ADGRL2: variants seen among roughly 807,000 people sequenced by gnomAD.
ADGRL2 encodes adhesion G protein-coupled receptor L2.
In ADGRL2, 44 loss-of-function variants were observed where a neutral mutation model predicts 157.4. That is an observed-to-expected ratio of 0.28 (90% CI 0.22 to 0.36). The LOEUF (loss-of-function observed/expected upper bound fraction) is 0.36, where lower values mean the gene tolerates loss of function less well. Among genes scored for constraint, ADGRL2 ranks in the 10% least tolerant of loss-of-function variants. The pLI, the probability that ADGRL2 is intolerant of heterozygous loss-of-function variation, is 1.00. For missense variants in ADGRL2, 1,510 were observed against 1,768.9 expected (o/e 0.85, Z 2.63); for synonymous variants, 585 against 624.7 (o/e 0.94, Z 0.95).
intron 1 of ADGRL2, chr1:81,414,361 G>C (rs2076998449): frequency 6.6e-6 from 1 of 152,202 alleles, no homozygotes; most frequent in Non-Finnish European, 1.5e-5. Context: ...GGTAATAAAA[G>C]TGAATTTTTT....
At chr1:81,589,538 T>G (rs541713452) in intron 3 of ADGRL2, among the ~76,000 whole-genome samples, 84 of 152,306 alleles carry the variant, frequency 5.5e-4, no homozygotes, top group African/African-American at 1.9e-3. Context: ...CAGCTGTGAT[T>G]GAAACTACAA....
At chr1:81,682,344 G>A (rs941221433) in intron 3 of ADGRL2, among the ~76,000 whole-genome samples, 1 of 152,272 alleles carries the variant, frequency 6.6e-6, no homozygotes, top group African/African-American at 2.4e-5. Context: ...TTAAGAATCA[G>A]AGAGTGATTA....
rs577034401 is a variant in ADGRL2, at chr1:81,778,695, C to G, written c.-101+16843C>G. ...TTCCTCTCCAATGTCTCCCTCCTCC[C>G]CATTTTTCAAAGGTAATCATTTGAA... On this transcript the variant is annotated intron_variant, in intron 2 of 20. Coordinates refer to the ADGRL2 transcript ENST00000359929. 7.9e-5 allele frequency among the ~76,000 whole-genome samples: 12 copies of G among 152,270 alleles called. No individual in the cohort carries two copies. The South Asian group carries it at 2.5e-3, about 32-fold the overall frequency.
At chr1:81,469,175 T>C (rs1557712710) in intron 2 of ADGRL2, among the ~76,000 whole-genome samples, 2 of 152,342 alleles carry the variant, frequency 1.3e-5, no homozygotes, top group East Asian at 3.9e-4. Context: ...CATTCTGATT[T>C]CTTAGTGTTT....
At chr1:81,450,088 A>G (rs1029857550) in intron 2 of ADGRL2, among the ~76,000 whole-genome samples, 1 of 152,180 alleles carries the variant, frequency 6.6e-6, no homozygotes, top group Non-Finnish European at 1.5e-5. Context: ...CTCAAAGTGA[A>G]CCAGTTGAGA....
chr1:81,671,554 C>T (rs1248920727), intron 3 of ADGRL2, among the ~76,000 whole-genome samples: 1 of 152,082 alleles, frequency 6.6e-6, no homozygotes, highest in East Asian at 1.9e-4. Flanking sequence ...GCCCCGTCGC[C>T]CAGACTGGAG....
Position 81,674,006 on chromosome 1 carries a change from T to A in ADGRL2, c.-142-87805T>A, listed in dbSNP as rs114805635. On this transcript the variant is annotated intron_variant, in intron 3 of 24. Coordinates refer to the ADGRL2 transcript ENST00000370721. ...TTTCAGAAATGACCCATGTAAATAATTTTTATAAATTATCTGAGTCCTGGC... is the reference window on the plus strand; with the variant it reads ...TTTCAGAAATGACCCATGTAAATAAATTTTATAAATTATCTGAGTCCTGGC... 2.6e-5 allele frequency among the ~76,000 whole-genome samples: 4 copies of A among 152,302 alleles called. No homozygotes were observed. In the East Asian group the frequency reaches 7.7e-4, roughly 29 times the overall value.
chr1:81,602,584 T>C (rs2081354522), intron 3 of ADGRL2, among the ~76,000 whole-genome samples: 1 of 150,466 alleles, frequency 6.6e-6, no homozygotes, highest in South Asian at 2.1e-4. Flanking sequence ...AGAGCAAGAC[T>C]CAGTCTCAAA....
intron 2 of ADGRL2, among the ~76,000 whole-genome samples, chr1:81,560,329 C>A (rs1488473319): frequency 2.6e-5 from 4 of 152,184 alleles, no homozygotes; most frequent in Non-Finnish European, 5.9e-5. Context: ...AGTTACTTAT[C>A]CTTTCTCTGC....
At chr1:81,513,214 G>C (rs535122144) in intron 2 of ADGRL2, among the ~76,000 whole-genome samples, 125 of 152,196 alleles carry the variant, frequency 8.2e-4, no homozygotes, top group African/African-American at 2.9e-3. Context: ...TCAATTTGCT[G>C]AGGACAAAGC....
At chr1:81,902,914 GGA>G (rs1263240918) in intron 2 of ADGRL2, among the ~76,000 whole-genome samples, 6 of 152,130 alleles carry the variant, frequency 3.9e-5, no homozygotes, top group Middle Eastern at 3.4e-3. Flanking sequence ...CAATCTATAT[GGA>G]TGTGCACAGC....
intron 2 of ADGRL2, among the ~76,000 whole-genome samples, chr1:81,846,181 AT>A (rs1204150324): frequency 6.6e-6 from 1 of 151,850 alleles, no homozygotes; most frequent in Non-Finnish European, 1.5e-5. Context: ...TTAAAAATGG[AT>A]GATGGATGAT....
chr1:81,949,382 T>C (rs1011551335), intron 6 of ADGRL2, among the ~76,000 whole-genome samples: 5 of 152,222 alleles, frequency 3.3e-5, no homozygotes, highest in Admixed American at 6.5e-5. Flanking sequence ...AAATAACCTT[T>C]GAAAATAATG....
At chr1:81,610,183 C>T (rs1205001768) in intron 3 of ADGRL2, among the ~76,000 whole-genome samples, 1 of 150,440 alleles carries the variant, frequency 6.6e-6, no homozygotes, top group African/African-American at 2.4e-5. Context: ...ACAGTGTGGC[C>T]TCTCTAAGTC....
intron 2 of ADGRL2, chr1:81,502,794 T>C: frequency 1.2e-6 from 2 of 1,612,930 alleles, no homozygotes; most frequent in Admixed American, 1.7e-5. Flanking sequence ...CCTCCCTCTT[T>C]GGCTACTCAC....
At chr1:81,668,522 A>T (rs956785551) in intron 3 of ADGRL2, among the ~76,000 whole-genome samples, 1 of 131,500 alleles carries the variant, frequency 7.6e-6, no homozygotes, top group Non-Finnish European at 1.6e-5. Context: ...ATGGAATATA[A>T]TTTCACTTGC....
At chr1:81,340,649 T>C (rs1031468440) in intron 1 of ADGRL2, among the ~76,000 whole-genome samples, 1 of 151,974 alleles carries the variant, frequency 6.6e-6, no homozygotes, top group African/African-American at 2.4e-5. Flanking sequence ...TCTATGAAAA[T>C]AAAAATGTGA....
chr1:81,505,165 C>G (rs2078944315), intron 2 of ADGRL2: 2 of 500,588 alleles, frequency 4.0e-6, no homozygotes, highest in Non-Finnish European at 7.6e-6. Context: ...ACTGCGTCTT[C>G]TCTCAGCCCT....
intron 1 of ADGRL2, among the ~76,000 whole-genome samples, chr1:81,422,629 T>C (rs1429293081): frequency 6.6e-6 from 1 of 152,240 alleles, no homozygotes; most frequent in African/African-American, 2.4e-5. Context: ...GTCATACTAT[T>C]GTTTAGGGAA....
Sources: allele counts gnomAD v4.1 joint callset (sites outside exome capture counted in the v4.1 genomes callset), GRCh38; gene constraint gnomAD v4.1.1; transcripts MANE v1.5; gene names NCBI Gene and HGNC (gene_info 2026-07-23, HGNC 2026-07-21).